The following LY6S variants were observed in gnomAD, a reference collection of about 807,000 sequenced individuals.
The protein encoded by LY6S is lymphocyte antigen 6S.
chr8:143,046,379 C>A, the LY6S span, among the ~76,000 whole-genome samples: 1 of 151,922 alleles, frequency 6.6e-6, no homozygotes, highest in Non-Finnish European at 1.5e-5. Flanking sequence ...AGATCGAGAC[C>A]ATCCTGCCTA....
At chr8:143,070,487 A>ATTTTTTTTTTTTTTT in the LY6S span, among the ~76,000 whole-genome samples, 2 of 84,102 alleles carry the variant, frequency 2.4e-5, no homozygotes, top group Admixed American at 1.4e-4. Context: ...ATATATATAT[A>ATTTTTTTTTTTTTTT]TATTTTTTTT....
the LY6S span, among the ~76,000 whole-genome samples, chr8:143,074,012 G>A: frequency 3.3e-5 from 5 of 152,146 alleles, no homozygotes; most frequent in African/African-American, 7.2e-5. Flanking sequence ...CGTCGTCCCC[G>A]GGGTTCTCTA....
chr8:143,054,012 G>C, the LY6S span: 1 of 152,082 alleles, frequency 6.6e-6, no homozygotes, highest in South Asian at 2.1e-4. Context: ...TCCTATTAAA[G>C]ATAACTACAC....
chr8:143,043,285 C>T, the LY6S span: 133 of 1,324,230 alleles, frequency 1.0e-4, no homozygotes, highest in Non-Finnish European at 1.2e-4. Context: ...AGGGGGAATC[C>T]GACGTCCTTC....
chr8:143,072,974 G>A, the LY6S span, among the ~76,000 whole-genome samples: 1 of 72,204 alleles, frequency 1.4e-5, no homozygotes, highest in African/African-American at 5.6e-5. Context: ...CCTGTTTGAG[G>A]AGACAGCCGT....
the LY6S span, among the ~76,000 whole-genome samples, chr8:143,054,569 T>A: frequency 6.6e-6 from 1 of 152,182 alleles, no homozygotes; most frequent in Non-Finnish European, 1.5e-5. Context: ...CACGGAGTTG[T>A]GGGGGGTTGT....
At chr8:143,048,991 C>T in the LY6S span, among the ~76,000 whole-genome samples, 2 of 152,262 alleles carry the variant, frequency 1.3e-5, no homozygotes, top group East Asian at 1.9e-4. Context: ...GCTGATGAGA[C>T]GTTGGGCCCC....
chr8:143,052,259 G>A, the LY6S span, among the ~76,000 whole-genome samples: 1 of 151,860 alleles, frequency 6.6e-6, no homozygotes, highest in East Asian at 1.9e-4. Flanking sequence ...CCAGCCTGGG[G>A]GACACAGCGA....
the LY6S span, among the ~76,000 whole-genome samples, chr8:143,075,452 C>T: frequency 6.6e-6 from 1 of 152,100 alleles, no homozygotes; most frequent in South Asian, 2.1e-4. The surrounding 1 kb of genome is among the most constrained non-coding windows in gnomAD (Gnocchi z 4.1). Context: ...GCCTGTAATC[C>T]CAGCACCTTG....
the LY6S span, among the ~76,000 whole-genome samples, chr8:143,054,813 G>C: frequency 6.6e-6 from 1 of 152,194 alleles, no homozygotes; most frequent in Non-Finnish European, 1.5e-5. Flanking sequence ...GGACAGCTAC[G>C]GGAGACAGAG....
the LY6S span, among the ~76,000 whole-genome samples, chr8:143,050,946 G>A: frequency 2.0e-5 from 3 of 152,250 alleles, no homozygotes; most frequent in East Asian, 3.8e-4. Flanking sequence ...CGCTTCACGG[G>A]TGTGCGGACT....
At chr8:143,047,145 A>T in the LY6S span, among the ~76,000 whole-genome samples, 1 of 148,226 alleles carries the variant, frequency 6.7e-6, no homozygotes, top group South Asian at 2.2e-4. Context: ...TAGGGGCTTG[A>T]TTTTTTTTTT....
chr8:143,046,486 G>A, the LY6S span, among the ~76,000 whole-genome samples: 9 of 151,668 alleles, frequency 5.9e-5, no homozygotes, highest in African/African-American at 2.2e-4. Context: ...GCTAAGGCAG[G>A]AGAATGGCAT....
chr8:143,062,712 A>C, the LY6S span, among the ~76,000 whole-genome samples: 1 of 152,174 alleles, frequency 6.6e-6, no homozygotes, highest in African/African-American at 2.4e-5. Flanking sequence ...ATGGAGATCT[A>C]TATAAGGAAG....
chr8:143,064,184 C>T, the LY6S span, among the ~76,000 whole-genome samples: 48 of 152,152 alleles, frequency 3.2e-4, no homozygotes, highest in African/African-American at 6.0e-4. Flanking sequence ...GTTTGTCTAG[C>T]GGCTTTACCA....
At chr8:143,074,860 C>T in the LY6S span, among the ~76,000 whole-genome samples, 9 of 152,186 alleles carry the variant, frequency 5.9e-5, no homozygotes, top group South Asian at 2.1e-4. Context: ...ATGACTAACC[C>T]GCCCTCAGCA....
chr8:143,050,603 T>C, the LY6S span, among the ~76,000 whole-genome samples: 1 of 152,162 alleles, frequency 6.6e-6, no homozygotes, highest in Admixed American at 6.5e-5. Flanking sequence ...GGCGCCCTCC[T>C]GGACTCCCTC....
the LY6S span, among the ~76,000 whole-genome samples, chr8:143,058,840 T>A: frequency 6.6e-6 from 1 of 152,242 alleles, no homozygotes; most frequent in Non-Finnish European, 1.5e-5. Flanking sequence ...AGCCCTCTGG[T>A]GGCCCTGTCC....
At chr8:143,057,909 G>A in the LY6S span, 2 of 600,804 alleles carry the variant, frequency 3.3e-6, no homozygotes, top group Non-Finnish European at 6.0e-6. Context: ...CGCAACCAGA[G>A]GGATGCGGCC....
Sources: allele counts gnomAD v4.1 joint callset (sites outside exome capture counted in the v4.1 genomes callset), GRCh38; gene constraint gnomAD v4.1.1; non-coding constraint Gnocchi (gnomAD v3.1); transcripts MANE v1.5; gene names NCBI Gene and HGNC (gene_info 2026-07-23, HGNC 2026-07-21).